The following VEGFD variants were observed in gnomAD, a reference collection of about 807,000 sequenced individuals.
The protein encoded by VEGFD is c-fos induced growth factor (vascular endothelial growth factor D).
VEGFD carries 26 observed loss-of-function variants against 28.0 expected under a neutral mutation model. That is an observed-to-expected ratio of 0.93 (90% CI 0.68 to 1.29). The LOEUF is 1.29. Among genes scored for constraint, VEGFD ranks in the 50% most tolerant of loss-of-function variants. VEGFD has a pLI of 0.00. For missense variants in VEGFD, 294 were observed against 273.4 expected (o/e 1.08, Z -0.53); for synonymous variants, 93 against 95.5 (o/e 0.97, Z 0.15).
intron 4 of VEGFD, among the ~76,000 whole-genome samples, chrX:15,353,627 C>A (rs1417411143): frequency 9.0e-6 from 1 of 110,983 alleles, no homozygotes; most frequent in Non-Finnish European, 1.9e-5. Context: ...GTAATCCCAG[C>A]TACTTGGAAG....
chrX:15,355,169 G>A lies in VEGFD; in HGVS notation c.622C>T (p.Gln208Ter), dbSNP rs1438510857. ...HPYSIIRRSI[Q>*]IPEEDRCSHS... ...GCTTACCGATCTTCTTCAGGGATCTGGATGGATCTTCTGATAATTGAGTAT... is the reference window on the plus strand; with the variant it reads ...GCTTACCGATCTTCTTCAGGGATCTAGATGGATCTTCTGATAATTGAGTAT... The change falls in exon 4 of 7, where the codon CAG becomes TAG. Residue 208 changes from glutamine (Q) to a stop codon, truncating the protein, a stop_gained. Coordinates refer to ENST00000297904, the MANE Select transcript of VEGFD (RefSeq NM_004469.5). LOFTEE classifies it high-confidence loss of function. The A allele has an allele frequency of 8.4e-7, 1 of 1,194,338 alleles. No individual in the cohort carries two copies. Among genetic ancestry groups the A allele is most frequent in the African/African-American group, 1.8e-5 (1 of 55,598 alleles).
rs763168936 is a variant in VEGFD at position 15,359,678 on chromosome X, A to C, written c.302-1485T>G. On this transcript the variant is annotated intron_variant, in intron 2 of 6. Coordinates refer to ENST00000297904, the MANE Select transcript of VEGFD (RefSeq NM_004469.5). ...TCAGTTCTTGTGTTAGTTTGCCGCC[A>C]TGTTAGAAAGGTCCACACGACAAGG... Among the ~76,000 whole-genome samples the C allele has an allele frequency of 2.3e-4, 26 of 111,046 alleles. 1 individual carries two copies. Among genetic ancestry groups the C allele is most frequent in the Admixed American group, 5.8e-4 (6 of 10,360 alleles).
chrX:15,347,407 T>C (rs1922582714), intron 5 of VEGFD, 48 bp from the exon 6 acceptor site: 7 of 1,003,449 alleles, frequency 7.0e-6, no homozygotes, highest in Non-Finnish European at 9.5e-6. Flanking sequence ...AGTGTGGCAA[T>C]TGGATCACCA....
At chrX:15,355,824 C>T (rs772989614) in intron 3 of VEGFD, among the ~76,000 whole-genome samples, 4 of 111,729 alleles carry the variant, frequency 3.6e-5, no homozygotes, top group East Asian at 5.6e-4. Flanking sequence ...GAACATAATC[C>T]GGCAGGCTTG....
chrX:15,363,212 T>A lies in VEGFD; in HGVS notation c.198A>T (p.Arg66Ser). 1 of 1,211,332 alleles carries A rather than the reference T, an allele frequency of 8.3e-7. No homozygotes were observed. Among genetic ancestry groups the A allele is most frequent in the Non-Finnish European group, 1.1e-6 (1 of 895,123 alleles). The change falls in exon 2 of 7, where the codon AGA becomes AGT. Residue 66 changes from arginine (R) to serine (S), a missense_variant. By Grantham distance (110) the Arg-to-Ser change is moderately radical. Coordinates refer to ENST00000297904, the MANE Select transcript of VEGFD (RefSeq NM_004469.5). ...ITHSEDWKLW[R>S]CRLRLKSFTS... ...TAAAACTTTTGAGCCTCAGCCTGCA[T>A]CTCCACAGCTTCCAGTCCTCAGAGT...
chrX:15,347,150 C>T lies in VEGFD; in HGVS notation c.938+14G>A, dbSNP rs781632458. 8.4e-7 allele frequency: 1 copy of T among 1,197,521 alleles called. No individual in the cohort carries two copies. Among genetic ancestry groups the T allele is most frequent in the East Asian group, 3.0e-5 (1 of 33,525 alleles). On this transcript the variant is annotated intron_variant, in intron 6 of 6. Transcript: ENST00000297904. Reference sequence around the variant, plus strand: ...AATGTCATGAGTAAAGGCAAGACAACTCAAGGCATTTACCTGCAGGTGTCT... The same window carrying T: ...AATGTCATGAGTAAAGGCAAGACAATTCAAGGCATTTACCTGCAGGTGTCT...
intron 1 of VEGFD, among the ~76,000 whole-genome samples, chrX:15,369,395 C>G (rs1208961911): frequency 9.1e-6 from 1 of 110,174 alleles, no homozygotes; most frequent in Non-Finnish European, 1.9e-5. Flanking sequence ...GGGCATAGAG[C>G]AAGTTTAGAA....
At chrX:15,376,646 C>T (rs1215569296) in intron 1 of VEGFD, among the ~76,000 whole-genome samples, 1 of 111,595 alleles carries the variant, frequency 9.0e-6, no homozygotes, top group Non-Finnish European at 1.9e-5. Context: ...ATCTAGTGTC[C>T]CATATCAAAA....
chrX:15,361,508 T>C (rs146545994), intron 2 of VEGFD, among the ~76,000 whole-genome samples: 126 of 112,259 alleles, frequency 1.1e-3, no homozygotes, highest in Non-Finnish European at 1.8e-3. Context: ...TATGTCCCCA[T>C]CTATGCACAG....
At chrX:15,356,975 T>G (rs762535258) in intron 3 of VEGFD, among the ~76,000 whole-genome samples, 2 of 112,238 alleles carry the variant, frequency 1.8e-5, no homozygotes, top group African/African-American at 6.5e-5. Context: ...CTACCTCTTT[T>G]TGCAGTTAAA....
At chrX:15,368,770 TA>T (rs1041221944) in intron 1 of VEGFD, among the ~76,000 whole-genome samples, 1 of 112,196 alleles carries the variant, frequency 8.9e-6, no homozygotes, top group Non-Finnish European at 1.9e-5. Flanking sequence ...AAAATCAAAA[TA>T]ATTAAAAGGT....
intron 1 of VEGFD, among the ~76,000 whole-genome samples, chrX:15,379,208 G>A (rs1409998680): frequency 1.8e-5 from 2 of 111,805 alleles, no homozygotes; most frequent in African/African-American, 6.5e-5. Context: ...ATCACACTTG[G>A]AATGCAAATT....
At chrX:15,351,386 T>TG (rs1334919278) in intron 5 of VEGFD, among the ~76,000 whole-genome samples, 18 of 109,553 alleles carry the variant, frequency 1.6e-4, no homozygotes, top group Non-Finnish European at 3.0e-4. Context: ...CCCAAAGTGC[T>TG]GGGACTACAG....
chrX:15,355,072 G>A, intron 4 of VEGFD, 78 bp downstream of exon 4: 1 of 917,720 alleles, frequency 1.1e-6, no homozygotes, highest in South Asian at 3.3e-5. Context: ...CTACATTAAT[G>A]AAAAATCCTC....
chrX:15,360,407 C>T (rs888372666), intron 2 of VEGFD, among the ~76,000 whole-genome samples: 14 of 105,710 alleles, frequency 1.3e-4, no homozygotes, highest in Non-Finnish European at 1.5e-4. Context: ...GGCGCGATCT[C>T]GGCTCACTGC....
At chrX:15,382,314 C>T (rs998803728) in intron 1 of VEGFD, among the ~76,000 whole-genome samples, 1 of 27,218 alleles carries the variant, frequency 3.7e-5, no homozygotes, top group African/African-American at 3.5e-4. Context: ...AGTGAGACTC[C>T]GTCTCAAATA....
At chrX:15,372,106 G>A (rs1039600373) in intron 1 of VEGFD, among the ~76,000 whole-genome samples, 3 of 111,833 alleles carry the variant, frequency 2.7e-5, no homozygotes, top group Non-Finnish European at 5.6e-5. Flanking sequence ...GGGACAAAAA[G>A]GCAGGCTTCA....
chrX:15,370,977 G>A (rs1413654155), intron 1 of VEGFD, among the ~76,000 whole-genome samples: 7 of 110,235 alleles, frequency 6.4e-5, no homozygotes, highest in African/African-American at 2.0e-4. Flanking sequence ...TCTTTCTCTC[G>A]TGCTCTCACT....
rs182854359 is a variant in VEGFD, at chrX:15,380,731, C to A, written c.90+3126G>T. ...TAAATAAACCAGAAATAGTGCTGGC[C>A]AGAAGGCCAATGTGAATGAGAGAAG... is the stretch of plus-strand genomic sequence containing the variant. On this transcript the variant is annotated intron_variant, in intron 1 of 6. Transcript: ENST00000297904. Among the ~76,000 whole-genome samples the A allele has an allele frequency of 2.4e-3, 268 of 112,618 alleles. 1 individual carries two copies. Among genetic ancestry groups the A allele is most frequent in the African/African-American group, 8.0e-3 (249 of 31,012 alleles).
Sources: gnomAD v4.1 joint callset for allele counts (sites outside exome capture counted in the v4.1 genomes callset) on GRCh38, gnomAD v4.1.1 for gene constraint, MANE v1.5 for transcripts, NCBI Gene and HGNC (gene_info 2026-07-23, HGNC 2026-07-21) for gene names.